Variants in EHMT1 observed in about 807,000 individuals in gnomAD.
EHMT1 encodes the protein histone-lysine N-methyltransferase EHMT1.
Under a neutral mutation model 147.2 loss-of-function variants are expected in EHMT1, and 15 were observed. The observed-to-expected ratio is 0.10, with a 90% CI of 0.07 to 0.16. The LOEUF is 0.16. Among genes scored for constraint, EHMT1 ranks in the 10% least tolerant of loss-of-function variants. EHMT1 has a pLI of 1.00. For missense variants in EHMT1, 1,587 were observed against 1,772.4 expected (o/e 0.90, Z 1.88); for synonymous variants, 795 against 709.6 (o/e 1.12, Z -1.91).
At chr9:137,759,394 C>T (rs1279968518) in intron 9 of EHMT1, among the ~76,000 whole-genome samples, 1 of 152,162 alleles carries the variant, frequency 6.6e-6, no homozygotes, top group Admixed American at 6.5e-5. Flanking sequence ...TTTGTCAAAT[C>T]GACTCCTGCT....
chr9:137,655,401 A>G (rs1938334231), intron 1 of EHMT1, among the ~76,000 whole-genome samples: 1 of 152,160 alleles, frequency 6.6e-6, no homozygotes, highest in African/African-American at 2.4e-5. Context: ...GCAGACCAGA[A>G]CTATTGTTAC....
At chr9:137,795,840 C>G (rs771875130) in intron 16 of EHMT1, among the ~76,000 whole-genome samples, 1 of 151,900 alleles carries the variant, frequency 6.6e-6, no homozygotes, top group Non-Finnish European at 1.5e-5. Context: ...ATTGTAATCC[C>G]TGGAGAAAGC....
At chr9:137,704,721 A>G (rs760982406) in intron 1 of EHMT1, among the ~76,000 whole-genome samples, 9 of 151,968 alleles carry the variant, frequency 5.9e-5, no homozygotes, top group Non-Finnish European at 1.2e-4. Flanking sequence ...AAGCATCAGA[A>G]TTCCTGGAAA....
At position 137,690,369 on chromosome 9, in the gene EHMT1, G is replaced by C. The variant is rs114667391; in HGVS notation, c.22-20598G>C. Among the ~76,000 whole-genome samples the C allele has an allele frequency of 1.8e-3, 275 of 152,140 alleles. 2 individuals are homozygous for C. The highest frequency in any genetic ancestry group is 6.1e-3 in the African/African-American group (253 of 41,496). On this transcript the variant is annotated intron_variant, in intron 1 of 26. Transcript: ENST00000460843. ...TAATAATCAGACAGCAGGAGGCTGAGCTTAGCGGCTCATGCTGTCATCCCA... is the reference window on the plus strand; with the variant it reads ...TAATAATCAGACAGCAGGAGGCTGACCTTAGCGGCTCATGCTGTCATCCCA...
chr9:137,790,039 C>A (rs575612635), intron 15 of EHMT1, among the ~76,000 whole-genome samples: 4 of 152,224 alleles, frequency 2.6e-5, no homozygotes, highest in African/African-American at 9.6e-5. Context: ...CTCTCCACCC[C>A]CTTAGCCGTT....
intron 1 of EHMT1, among the ~76,000 whole-genome samples, chr9:137,626,881 G>T (rs1843294780): frequency 6.6e-6 from 1 of 151,900 alleles, no homozygotes; most frequent in South Asian, 2.1e-4. Context: ...TGCATCCTAG[G>T]TTCGAGCAAT....
intron 1 of EHMT1, among the ~76,000 whole-genome samples, chr9:137,622,122 C>CT (rs906172361): frequency 1.5e-5 from 2 of 137,848 alleles, no homozygotes; most frequent in Admixed American, 7.5e-5. Context: ...CCCCTCCCCC[C>CT]TTTTTTTTCT....
intron 1 of EHMT1, among the ~76,000 whole-genome samples, chr9:137,629,122 C>T (rs1180030217): frequency 7.6e-5 from 11 of 143,836 alleles, no homozygotes; most frequent in South Asian, 6.6e-4. Flanking sequence ...GATGGAGTTT[C>T]GCTCTCGTTG....
intron 15 of EHMT1, among the ~76,000 whole-genome samples, chr9:137,790,037 C>T (rs771281356): frequency 5.3e-4 from 81 of 152,342 alleles, no homozygotes; most frequent in Non-Finnish European, 9.7e-4. Context: ...GCCTCTCCAC[C>T]CCCTTAGCCG....
chr9:137,703,049 G>C (rs926584255), intron 1 of EHMT1, among the ~76,000 whole-genome samples: 11 of 152,242 alleles, frequency 7.2e-5, no homozygotes, highest in Non-Finnish European at 1.5e-4. Flanking sequence ...GTAGCTGCCA[G>C]CTTGCACCCT....
rs564307763 is a variant in EHMT1 at position 137,752,744 on chromosome 9, C to T, written c.1248+336C>T. Reference sequence around the variant, plus strand: ...ACACCTGTTTGGGATTCCGCTGCATCGGCTGATGTGCGAGAAGGAAGGGCT... The same window carrying T: ...ACACCTGTTTGGGATTCCGCTGCATTGGCTGATGTGCGAGAAGGAAGGGCT... On this transcript the variant is annotated intron_variant, in intron 7 of 26. Transcript: ENST00000460843. 5.3e-5 allele frequency among the ~76,000 whole-genome samples: 8 copies of T among 152,166 alleles called. No individual in the cohort carries two copies. In the South Asian group the frequency reaches 6.2e-4, roughly 12 times the overall value.
Position 137,834,892 on chromosome 9 carries a change from A to G in EHMT1, c.3836A>G (p.Gln1279Arg), listed in dbSNP as rs1272881278. 5 of 1,604,168 alleles carry G rather than the reference A, an allele frequency of 3.1e-6. No individual in the cohort carries two copies. The highest frequency in any genetic ancestry group is 4.3e-6 in the Non-Finnish European group (5 of 1,176,238). ...GCCCAGCGTCAGGCCAGCGCGGCCC[A>G]GGAGGCCCAGGAGGACGGCTTGCCC... is the stretch of plus-strand genomic sequence containing the variant. ...ALAQRQASAA[Q>R]EAQEDGLPDT... Residue 1279 changes from glutamine (Q) to arginine (R), a missense_variant, in exon 27 of 27, where the codon CAG becomes CGG. Physicochemically the swap from Gln to Arg is conservative, Grantham distance 43. Around this residue, in one of 7 missense-constraint regions of EHMT1, gnomAD observed 141 missense variants for 150.8 expected, o/e 0.94. Transcript: ENST00000460843.
At position 137,776,134 on chromosome 9, in the gene EHMT1, G is replaced by C. The variant is rs1950939164; in HGVS notation, c.1792-484G>C. Among the ~76,000 whole-genome samples the C allele has an allele frequency of 6.6e-6, 1 of 152,132 alleles. No individual in the cohort carries two copies. On this transcript the variant is annotated intron_variant, in intron 11 of 26. Transcript: ENST00000460843. The surrounding 1 kb of genome is among the most constrained non-coding windows in gnomAD (Gnocchi z 4.4). ...GGTTCTGCTACATCTGTTTATCTCT[G>C]GCTTTCTGCAAGAAAATGCTGTTCT...
intron 18 of EHMT1, chr9:137,802,680 C>T (rs1953596434): frequency 3.7e-6 from 2 of 547,838 alleles, no homozygotes; most frequent in Admixed American, 8.7e-5. Context: ...CCACCTCCCA[C>T]CTAGAAACAG....
At chr9:137,695,486 A>G (rs1007734746) in intron 1 of EHMT1, among the ~76,000 whole-genome samples, 1 of 152,222 alleles carries the variant, frequency 6.6e-6, no homozygotes, top group African/African-American at 2.4e-5. Context: ...GGCTGAAACA[A>G]CAATCATCAT....
At position 137,800,906 on chromosome 9, in the gene EHMT1, C is replaced by T. The variant is rs770369621; in HGVS notation, c.2634C>T (p.Ile878=). ...ATGACGGAGGCTGGACACCCATGAT[C>T]TGGGCCACAGAGTACAAGCACGTGG... The part of the protein sequence containing the change: ...CQDDGGWTPM[I]WATEYKHVDL... Residue 878 remains isoleucine (I), a synonymous_variant, in exon 18 of 27, where the codon ATC becomes ATT. Transcript: ENST00000460843. 2 of 1,614,164 alleles carry T rather than the reference C, an allele frequency of 1.2e-6. No individual in the cohort carries two copies. Among genetic ancestry groups the T allele is most frequent in the Non-Finnish European group, 8.5e-7 (1 of 1,180,020 alleles).
rs764175176 is a variant in EHMT1 at position 137,812,954 on chromosome 9, A to G, written c.2868-52A>G. 78 of 1,607,662 alleles carry G rather than the reference A, an allele frequency of 4.9e-5. 1 individual carries two copies. Among genetic ancestry groups the G allele is most frequent in the Admixed American group, 1.0e-4 (6 of 59,996 alleles). On this transcript the variant is annotated intron_variant, in intron 19 of 26. Coordinates refer to ENST00000460843, the MANE Select transcript of EHMT1 (RefSeq NM_024757.5). The stretch of plus-strand genomic sequence containing the variant: ...ACATTTTATAAATCTCATCTGTATC[A>G]CATTTTCAAGTCAGCTTTAAATGTT...
At position 137,731,331 on chromosome 9, in the gene EHMT1, C is replaced by T. The variant is rs1364629284; in HGVS notation, c.823+2802C>T. ...TCAGCTGCTCCCGTGTGTTGTCACC[C>T]CAGGGCTTCCGGAGTGGGCACAGAA... On this transcript the variant is annotated intron_variant, in intron 4 of 26. Coordinates refer to ENST00000460843, the MANE Select transcript of EHMT1 (RefSeq NM_024757.5). This position sits in a 1 kb window ranked among gnomAD's most constrained non-coding sequence, Gnocchi z 4.3. 1.3e-5 allele frequency among the ~76,000 whole-genome samples: 2 copies of T among 152,156 alleles called. No homozygotes were observed. Among genetic ancestry groups the T allele is most frequent in the African/African-American group, 4.8e-5 (2 of 41,430 alleles).
At chr9:137,631,298 A>G (rs886541117) in intron 1 of EHMT1, among the ~76,000 whole-genome samples, 5 of 152,054 alleles carry the variant, frequency 3.3e-5, no homozygotes, top group Admixed American at 1.3e-4. Context: ...AGGCTGAGGC[A>G]GGAGAATCGC....
Sources: gnomAD v4.1 joint callset for allele counts (sites outside exome capture counted in the v4.1 genomes callset) on GRCh38, gnomAD v4.1.1 for gene constraint, gnomAD v4.1.1 regional missense constraint, Gnocchi (gnomAD v3.1) non-coding constraint, MANE v1.5 for transcripts, NCBI Gene and HGNC (gene_info 2026-07-23, HGNC 2026-07-21) for gene names.